EFNB2: variants seen among roughly 807,000 people sequenced by gnomAD.
EFNB2 encodes ephrin-B2.
EFNB2 carries 5 observed loss-of-function variants against 32.1 expected under a neutral mutation model. The observed-to-expected ratio is 0.16, with a 90% CI of 0.08 to 0.33. EFNB2 has a LOEUF of 0.33. Ranked by LOEUF, EFNB2 falls within the 10% of genes least tolerant of loss-of-function variation. The probability of loss-of-function intolerance (pLI) is 1.00; values close to 1 mark genes in which losing one functional copy is unlikely to be tolerated. For synonymous variants in EFNB2, 168 were observed against 166.5 expected, an observed-to-expected ratio of 1.01 and a Z score of -0.07; for missense variants, 263 against 422.6, an observed-to-expected ratio of 0.62 and a Z score of 3.31.
intron 1 of EFNB2, among the ~76,000 whole-genome samples, chr13:106,534,069 T>C (rs1360005832): frequency 6.6e-6 from 1 of 152,146 alleles, no homozygotes; most frequent in African/African-American, 2.4e-5. Flanking sequence ...TCAGGAGCAG[T>C]GTCGACTGGG....
chr13:106,515,388 T>C (rs1412058534), intron 1 of EFNB2, among the ~76,000 whole-genome samples: 1 of 152,186 alleles, frequency 6.6e-6, no homozygotes, highest in Admixed American at 6.5e-5. Flanking sequence ...GGGATGCTTA[T>C]CAAAGCGGAA....
At chr13:106,534,635 A>C (rs10444605) in intron 1 of EFNB2, among the ~76,000 whole-genome samples, 1 of 150,880 alleles carries the variant, frequency 6.6e-6, no homozygotes, top group Admixed American at 6.6e-5. Flanking sequence ...GGAAAGGCGG[A>C]GAGACCGTCC....
At chr13:106,503,622 A>T (rs1878855624) in intron 2 of EFNB2, among the ~76,000 whole-genome samples, 1 of 152,206 alleles carries the variant, frequency 6.6e-6, no homozygotes, top group Non-Finnish European at 1.5e-5. Flanking sequence ...AATGCTATAG[A>T]TGAACTACAT....
chr13:106,535,278 T>A lies in EFNB2; in HGVS notation c.-314A>T, dbSNP rs939810764. 2 of 147,522 alleles carry A rather than the reference T, an allele frequency of 1.4e-5. No homozygotes were observed. Among genetic ancestry groups the A allele is most frequent in the African/African-American group, 5.0e-5 (2 of 40,352 alleles). The allele number at this position is 147,522 out of a possible 1,614,324, so 9.1% of individuals were successfully genotyped here. On this transcript the variant is annotated 5_prime_UTR_variant, in exon 1 of 5. Coordinates refer to ENST00000646441, the MANE Select transcript of EFNB2 (RefSeq NM_004093.4). Reference sequence around the variant, plus strand: ...TCCAGGGTGCCGGGCCGGCCGCGGCTGGCGGGTGGGCGCGGGGCGGGTGCG... The same window carrying A: ...TCCAGGGTGCCGGGCCGGCCGCGGCAGGCGGGTGGGCGCGGGGCGGGTGCG...
chr13:106,531,190 C>T (rs756619038), intron 1 of EFNB2, among the ~76,000 whole-genome samples: 11 of 152,208 alleles, frequency 7.2e-5, no homozygotes, highest in Admixed American at 2.0e-4. Flanking sequence ...GGGCTTGAAG[C>T]TGTAACTGTT....
At chr13:106,526,435 C>T (rs1879702761) in intron 1 of EFNB2, among the ~76,000 whole-genome samples, 1 of 152,082 alleles carries the variant, frequency 6.6e-6, no homozygotes, top group Admixed American at 6.5e-5. Flanking sequence ...TTTCTAAGTA[C>T]ATCTAAGTAC....
At chr13:106,507,771 G>C (rs1879004197) in intron 2 of EFNB2, among the ~76,000 whole-genome samples, 1 of 152,216 alleles carries the variant, frequency 6.6e-6, no homozygotes, top group Non-Finnish European at 1.5e-5. Context: ...AGGATGCCAT[G>C]AACAACACAG....
intron 2 of EFNB2, among the ~76,000 whole-genome samples, chr13:106,510,960 C>G (rs981553082): frequency 6.6e-6 from 1 of 152,120 alleles, no homozygotes; most frequent in Non-Finnish European, 1.5e-5. Flanking sequence ...GATCACGCCA[C>G]TGCACTCCAG....
rs1340876488 is a variant in EFNB2 at position 106,492,159 on chromosome 13, CTG to C, written c.*879_*880del. 1 of 152,732 alleles carries C rather than the reference CTG, an allele frequency of 6.5e-6. No individual in the cohort carries two copies. Among genetic ancestry groups the C allele is most frequent in the Non-Finnish European group, 1.5e-5 (1 of 68,086 alleles). The allele number at this position is 152,732 out of a possible 1,614,324, so 9.5% of individuals were successfully genotyped here. A position where few individuals can be genotyped will look rare whatever the true frequency, so the allele number is the denominator to read the frequency against. Reference sequence around the variant, plus strand: ...GTGCCTCCCCATGCACTGGAATCCACTGTGTGTGCTGTCGTGTCTCCTACTGG... The same window carrying C: ...GTGCCTCCCCATGCACTGGAATCCACTGTGTGCTGTCGTGTCTCCTACTGG... On this transcript the variant is annotated 3_prime_UTR_variant, in exon 5 of 5. Transcript: ENST00000646441. This position sits in a 1 kb window ranked among gnomAD's most constrained non-coding sequence, Gnocchi z 5.1.
intron 2 of EFNB2, among the ~76,000 whole-genome samples, chr13:106,509,489 C>T (rs1231428223): frequency 1.3e-5 from 2 of 152,116 alleles, no homozygotes; most frequent in Admixed American, 1.3e-4. Context: ...AGTGAACCAA[C>T]GATTTGAAGT....
At position 106,489,883 on chromosome 13, in the gene EFNB2, G is replaced by T. The variant is rs1184966445; in HGVS notation, c.*3157C>A. 6.6e-6 allele frequency: 1 copy of T among 152,380 alleles called. No homozygotes were observed. Among genetic ancestry groups the T allele is most frequent in the African/African-American group, 2.4e-5 (1 of 41,346 alleles). 9.4% of individuals were successfully genotyped at this position (152,380 alleles called of 1,614,324 possible). A position where few individuals can be genotyped will look rare whatever the true frequency, so the allele number is the denominator to read the frequency against. On this transcript the variant is annotated 3_prime_UTR_variant, in exon 5 of 5. Coordinates refer to ENST00000646441, the MANE Select transcript of EFNB2 (RefSeq NM_004093.4). Reference sequence around the variant, plus strand: ...AAAGCAGATTTAAAACCTATGACAGGCTATTAAAATAAAACAAAGAAAGAA... The same window carrying T: ...AAAGCAGATTTAAAACCTATGACAGTCTATTAAAATAAAACAAAGAAAGAA...
In EFNB2 at chr13:106,531,760, T is replaced by C. The variant is rs546386722; in HGVS notation, c.122+3083A>G. 4.4e-5 allele frequency among the ~76,000 whole-genome samples: 6 copies of C among 137,912 alleles called. No individual in the cohort carries two copies. In the South Asian group the frequency reaches 1.4e-3, roughly 32 times the overall value. The allele number at this position is 137,912 out of a possible 152,430, so 90.5% of individuals were successfully genotyped here. On this transcript the variant is annotated intron_variant, in intron 1 of 4. Coordinates refer to ENST00000646441, the MANE Select transcript of EFNB2 (RefSeq NM_004093.4). The stretch of plus-strand genomic sequence containing the variant: ...AATTAGTATCAGGAATCCAGTATTA[T>C]ATAGGGAAAAAATTACATGGGAAAA...
chr13:106,497,662 G>A (rs571737282), intron 2 of EFNB2, among the ~76,000 whole-genome samples: 21 of 152,128 alleles, frequency 1.4e-4, no homozygotes, highest in African/African-American at 4.6e-4. Flanking sequence ...TTTACATTAG[G>A]TATATCTCCT....
intron 2 of EFNB2, among the ~76,000 whole-genome samples, chr13:106,507,651 T>C (rs1357440498): frequency 2.0e-5 from 3 of 152,142 alleles, no homozygotes; most frequent in East Asian, 1.9e-4. Flanking sequence ...TAAAAAGCTA[T>C]AGACAACTGA....
chr13:106,509,627 C>CTCTGTGTGTGTG (rs1879067124), intron 2 of EFNB2, among the ~76,000 whole-genome samples: 1 of 142,572 alleles, frequency 7.0e-6, no homozygotes, highest in Non-Finnish European at 1.5e-5. Context: ...CAGAGCTTGA[C>CTCTGTGTGTGTG]TGTGTGTGTG....
rs1457704850 is a variant in EFNB2 at position 106,490,675 on chromosome 13, G to A, written c.*2365C>T. The A allele has an allele frequency of 6.6e-6, 1 of 151,934 alleles. No homozygotes were observed. The highest frequency in any genetic ancestry group is 1.5e-5 in the Non-Finnish European group (1 of 68,012). 9.4% of individuals were successfully genotyped at this position (151,934 alleles called of 1,614,324 possible). A position where few individuals can be genotyped will look rare whatever the true frequency, so the allele number is the denominator to read the frequency against. ...TGAATGCACAGAAAGGAGAGGTTGG[G>A]GTGATGGAAAGAATTACATATGTAC... On this transcript the variant is annotated 3_prime_UTR_variant, in exon 5 of 5. Coordinates refer to ENST00000646441, the MANE Select transcript of EFNB2 (RefSeq NM_004093.4).
At position 106,495,910 on chromosome 13, in the gene EFNB2, A is replaced by G. The variant is rs1878573139; in HGVS notation, c.407-70T>C. 13 of 1,410,342 alleles carry G rather than the reference A, an allele frequency of 9.2e-6. No individual in the cohort carries two copies. The South Asian group carries it at 1.6e-4, about 17-fold the overall frequency. 87.4% of individuals were successfully genotyped at this position (1,410,342 alleles called of 1,614,324 possible). On this transcript the variant is annotated intron_variant, in intron 2 of 4. Transcript: ENST00000646441. The stretch of plus-strand genomic sequence containing the variant: ...CAGGAAATCAATAAGCCAAGTTTAC[A>G]TGAACATGAAATGTCTGAAAACAAT...
At chr13:106,508,241 G>A (rs1020920430) in intron 2 of EFNB2, among the ~76,000 whole-genome samples, 3 of 152,038 alleles carry the variant, frequency 2.0e-5, no homozygotes, top group African/African-American at 4.8e-5. Flanking sequence ...TAAAGGCTAC[G>A]AACACAAGAA....
At chr13:106,523,737 G>C (rs1334861478) in intron 1 of EFNB2, among the ~76,000 whole-genome samples, 1 of 152,136 alleles carries the variant, frequency 6.6e-6, no homozygotes, top group Non-Finnish European at 1.5e-5. Flanking sequence ...GAATCCACCG[G>C]CAAGAAGCCA....
Sources: gnomAD v4.1 joint callset for allele counts (sites outside exome capture counted in the v4.1 genomes callset) on GRCh38, gnomAD v4.1.1 for gene constraint, Gnocchi (gnomAD v3.1) non-coding constraint, MANE v1.5 for transcripts, NCBI Gene and HGNC (gene_info 2026-07-23, HGNC 2026-07-21) for gene names.